The following EGFR variants were observed in gnomAD, a reference collection of about 807,000 sequenced individuals.
EGFR encodes the protein avian erythroblastic leukemia viral (v-erb-b) oncogene homolog.
A neutral mutation model predicts 143.0 loss-of-function variants in EGFR; 58 were observed. That is an observed-to-expected ratio of 0.41 (90% CI 0.33 to 0.50). The LOEUF is 0.50. Among genes scored for constraint, EGFR ranks in the 20% least tolerant of loss-of-function variants. The pLI is 0.39. For missense variants in EGFR, 1,307 were observed against 1,579.0 expected (o/e 0.83, Z 2.92); for synonymous variants, 613 against 594.4 (o/e 1.03, Z -0.45).
chr7:55,192,752 C>T lies in EGFR; in HGVS notation c.2626-14C>T, dbSNP rs1262899620. 1 of 1,613,112 alleles carries T rather than the reference C, an allele frequency of 6.2e-7. No individual in the cohort carries two copies. The highest frequency in any genetic ancestry group is 1.3e-5 in the African/African-American group (1 of 74,920). ...TAATAGTTGTCTCACTGCCTCATCT[C>T]TCACCATCCCAAGGTGCCTATCAAG... On this transcript the variant is annotated splice_polypyrimidine_tract_variant and intron_variant, in intron 21 of 27. Transcript: ENST00000275493.
At chr7:55,054,850 C>T (rs1788702564) in intron 1 of EGFR, among the ~76,000 whole-genome samples, 1 of 152,234 alleles carries the variant, frequency 6.6e-6, no homozygotes, top group African/African-American at 2.4e-5. Flanking sequence ...TTTGTGGCTA[C>T]AGGTCCCCGT....
At chr7:55,062,012 G>A (rs775929042) in intron 1 of EGFR, among the ~76,000 whole-genome samples, 1 of 152,182 alleles carries the variant, frequency 6.6e-6, no homozygotes, top group East Asian at 1.9e-4. Flanking sequence ...GAACTCTACT[G>A]TCAGTTTCAG....
At chr7:55,168,570 C>T (rs2128949498) in intron 15 of EGFR, 2 of 1,612,378 alleles carry the variant, frequency 1.2e-6, no homozygotes, top group Admixed American at 1.7e-5. Flanking sequence ...ACTAAAACTG[C>T]ATTTCCTTTC....
intron 1 of EGFR, among the ~76,000 whole-genome samples, chr7:55,109,205 T>C (rs995862508): frequency 2.7e-4 from 41 of 152,370 alleles, no homozygotes; most frequent in African/African-American, 9.6e-4. Flanking sequence ...AATTATGTGA[T>C]CTGCAAAGTC....
At chr7:55,094,372 C>G (rs1015746529) in intron 1 of EGFR, among the ~76,000 whole-genome samples, 2 of 152,212 alleles carry the variant, frequency 1.3e-5, no homozygotes, top group African/African-American at 4.8e-5. Flanking sequence ...GCAGGGGGGG[C>G]CTCACTGTGC....
chr7:55,111,666 A>T (rs777094193), intron 1 of EGFR, among the ~76,000 whole-genome samples: 15 of 152,192 alleles, frequency 9.9e-5, no homozygotes, highest in Admixed American at 8.5e-4. Flanking sequence ...AAGTGAGCTA[A>T]GATGAGATGG....
In EGFR at chr7:55,191,724, G is replaced by A. The variant is rs1474170437; in HGVS notation, c.2475G>A (p.Met825Ile). 1 of 1,613,856 alleles carries A rather than the reference G, an allele frequency of 6.2e-7. No individual in the cohort carries two copies. The highest frequency in any genetic ancestry group is 8.5e-7 in the Non-Finnish European group (1 of 1,180,000). Residue 825 changes from methionine (M) to isoleucine (I), a missense_variant, in exon 21 of 28, where the codon ATG becomes ATA. Physicochemically the swap from Met to Ile is conservative, Grantham distance 10 (BLOSUM62 1). Around this residue, in one of 7 missense-constraint regions of EGFR, gnomAD observed 348 missense variants for 451.5 expected, o/e 0.77. Transcript: ENST00000275493. ...CAGGGTCTTCTCTGTTTCAGGGCAT[G>A]AACTACTTGGAGGACCGTCGCTTGG... ...LNWCVQIAKG[M>I]NYLEDRRLVH...
At chr7:55,019,413 C>T (rs1445434868) in intron 1 of EGFR, 48 bp downstream of exon 1, 1 of 1,265,544 alleles carries the variant, frequency 7.9e-7, no homozygotes, top group South Asian at 1.9e-5. Flanking sequence ...GATCGCGCCC[C>T]GGACCCCGCA....
chr7:55,099,041 T>C (rs1791646488), intron 1 of EGFR, among the ~76,000 whole-genome samples: 1 of 152,138 alleles, frequency 6.6e-6, no homozygotes, highest in Non-Finnish European at 1.5e-5. Context: ...TTCCCTCTAC[T>C]CTCTCACTCT....
At chr7:55,122,444 G>A (rs1248999284) in intron 1 of EGFR, among the ~76,000 whole-genome samples, 4 of 152,196 alleles carry the variant, frequency 2.6e-5, no homozygotes, top group Non-Finnish European at 4.4e-5. Context: ...GCACAGCCAC[G>A]CTGTGTGCTG....
chr7:55,028,027 C>T (rs887825), intron 1 of EGFR, among the ~76,000 whole-genome samples: 5,129 of 75,542 alleles, frequency 0.068, 77 homozygotes, highest in African/African-American at 0.083. Context: ...TATATATATA[C>T]ACACACACAC....
chr7:55,037,167 G>A (rs1562657968), intron 1 of EGFR, among the ~76,000 whole-genome samples: 2 of 152,168 alleles, frequency 1.3e-5, no homozygotes, highest in Non-Finnish European at 2.9e-5. Context: ...TTAATAGATT[G>A]GTATAACTTG....
chr7:55,019,418 C>T, intron 1 of EGFR, 53 bp downstream of exon 1: 2 of 1,207,154 alleles, frequency 1.7e-6, no homozygotes, highest in South Asian at 2.3e-5. Context: ...CGCCCCGGAC[C>T]CCGCAGCCCG....
intron 1 of EGFR, among the ~76,000 whole-genome samples, chr7:55,038,383 C>T (rs1205049891): frequency 6.6e-6 from 1 of 152,120 alleles, no homozygotes; most frequent in Non-Finnish European, 1.5e-5. Context: ...GCGCAGCCTC[C>T]CAAAGACAGA....
chr7:55,146,454 G>C, intron 3 of EGFR, 152 bp from the exon 4 acceptor site: 2 of 1,211,192 alleles, frequency 1.7e-6, no homozygotes, highest in Non-Finnish European at 2.3e-6. Context: ...TTATCTGGCC[G>C]CCCCCCGGGA....
chr7:55,145,281 T>C (rs1794704735), intron 3 of EGFR, among the ~76,000 whole-genome samples: 1 of 152,212 alleles, frequency 6.6e-6, no homozygotes, highest in Non-Finnish European at 1.5e-5. Flanking sequence ...CCTGTTGGTG[T>C]TTCCAGCCCT....
At chr7:55,192,193 G>A (rs1191966061) in intron 21 of EGFR, among the ~76,000 whole-genome samples, 1 of 152,170 alleles carries the variant, frequency 6.6e-6, no homozygotes, top group African/African-American at 2.4e-5. Context: ...AAAGGTCACA[G>A]CTGCCTTGGT....
rs1352457648 is a variant in EGFR at position 55,107,061 on chromosome 7, GTGTGTGTGTA to G, written c.89-35213_89-35204del. ...TTGTTTTGCCCATAAATAAATATAT[GTGTGTGTGTA>G]TGTGTGTGTATACACATACACACTC... On this transcript the variant is annotated intron_variant, in intron 1 of 27. Transcript: ENST00000275493. 3.3e-5 allele frequency among the ~76,000 whole-genome samples: 5 copies of G among 152,118 alleles called. No homozygotes were observed. In the South Asian group the frequency reaches 6.2e-4, roughly 19 times the overall value.
intron 1 of EGFR, among the ~76,000 whole-genome samples, chr7:55,113,668 G>A (rs2041646): frequency 0.069 from 10,468 of 152,286 alleles, 474 homozygotes; most frequent in Middle Eastern, 0.17. Context: ...TAGAACTCTA[G>A]TTTTTGTTCA....
Sources: allele counts gnomAD v4.1 joint callset (sites outside exome capture counted in the v4.1 genomes callset), GRCh38; gene constraint gnomAD v4.1.1; regional missense constraint gnomAD v4.1.1; transcripts MANE v1.5; gene names NCBI Gene and HGNC (gene_info 2026-07-23, HGNC 2026-07-21).